Variants in SASH1 observed in about 807,000 individuals in gnomAD.
The protein encoded by SASH1 is SAM and SH3 domain-containing protein 1.
In SASH1, 44 loss-of-function variants were observed where a neutral mutation model predicts 125.2. The ratio of observed to expected loss-of-function variants is 0.35; its 90% CI spans 0.28 to 0.45. The LOEUF (loss-of-function observed/expected upper bound fraction) is 0.45. SASH1 is among the 20% of genes least tolerant of loss of function. SASH1 has a pLI of 1.00. For synonymous variants in SASH1, 639 were observed against 649.1 expected (o/e 0.98, Z 0.24); for missense variants, 1,426 against 1,614.5 (o/e 0.88, Z 2.00).
intron 2 of SASH1, among the ~76,000 whole-genome samples, chr6:148,431,153 A>T (rs1306678778): frequency 6.6e-6 from 1 of 152,166 alleles, no homozygotes; most frequent in African/African-American, 2.4e-5. Context: ...GAAAAGCAGT[A>T]GCTTTGGGCA....
chr6:148,296,221 G>A (rs1457859306), intron 1 of SASH1, among the ~76,000 whole-genome samples: 2 of 152,140 alleles, frequency 1.3e-5, no homozygotes, highest in Non-Finnish European at 2.9e-5. Context: ...CGTCTCCCAG[G>A]TTCAAGCAAT....
chr6:148,308,559 C>T (rs1469127383), intron 1 of SASH1, among the ~76,000 whole-genome samples: 8 of 151,390 alleles, frequency 5.3e-5, no homozygotes, highest in African/African-American at 1.9e-4. Context: ...CCATGCCTGG[C>T]TAATTTTTGT....
At chr6:148,508,681 C>T (rs2115302219) in intron 8 of SASH1, 1 of 1,176,034 alleles carries the variant, frequency 8.5e-7, no homozygotes, top group Non-Finnish European at 1.1e-6. Flanking sequence ...CTTTCTCCTT[C>T]GGATACTGAG....
chr6:148,537,601 T>C (rs1781926099), intron 16 of SASH1, among the ~76,000 whole-genome samples: 1 of 152,218 alleles, frequency 6.6e-6, no homozygotes, highest in Non-Finnish European at 1.5e-5. Context: ...TGCCATATTT[T>C]CTTATTTCTT....
chr6:148,506,760 C>T (rs56068483), intron 8 of SASH1, among the ~76,000 whole-genome samples: 4 of 152,024 alleles, frequency 2.6e-5, no homozygotes, highest in Non-Finnish European at 1.5e-5. Context: ...TATCCTGTAA[C>T]GAAGGAATTT....
chr6:148,349,536 T>C (rs745809987), intron 1 of SASH1, among the ~76,000 whole-genome samples: 46 of 152,134 alleles, frequency 3.0e-4, no homozygotes, highest in Non-Finnish European at 5.7e-4. Flanking sequence ...AGTGCTGGGA[T>C]TACAGGCGTG....
At chr6:148,285,629 C>T (rs1270713382) in intron 1 of SASH1, among the ~76,000 whole-genome samples, 1 of 152,028 alleles carries the variant, frequency 6.6e-6, no homozygotes, top group East Asian at 1.9e-4. Context: ...TTGATCAGAT[C>T]TTTAAGAAGG....
intron 7 of SASH1, among the ~76,000 whole-genome samples, chr6:148,485,730 T>C (rs1277419986): frequency 6.6e-6 from 1 of 152,224 alleles, no homozygotes; most frequent in East Asian, 1.9e-4. Flanking sequence ...CAGGTTGAAA[T>C]CACAGTTGTG....
intron 1 of SASH1, among the ~76,000 whole-genome samples, chr6:148,298,827 GAAAGGAAGGAAGGAAA>G (rs1410284599): frequency 2.9e-5 from 4 of 137,814 alleles, no homozygotes; most frequent in South Asian, 2.5e-4. Context: ...AGGGAGGGAA[GAAAGGAAGGAAGGAAA>G]AAAGGAAGGA....
chr6:148,488,290 G>T (rs1480417252), intron 8 of SASH1, among the ~76,000 whole-genome samples: 1 of 152,016 alleles, frequency 6.6e-6, no homozygotes, highest in Non-Finnish European at 1.5e-5. Context: ...ATTCTTTCAG[G>T]GTTCATCCAC....
intron 16 of SASH1, among the ~76,000 whole-genome samples, chr6:148,538,611 G>A (rs1389218800): frequency 3.3e-5 from 5 of 152,102 alleles, no homozygotes; most frequent in East Asian, 1.9e-4. Context: ...AGGGACTTAC[G>A]CTGCCACGAT....
chr6:148,370,714 T>A (rs897749221), intron 1 of SASH1, among the ~76,000 whole-genome samples: 42 of 151,804 alleles, frequency 2.8e-4, no homozygotes, highest in African/African-American at 9.7e-4. Flanking sequence ...TCCCAGCTAC[T>A]CGGGAGGCTG....
intron 9 of SASH1, among the ~76,000 whole-genome samples, chr6:148,515,298 T>G (rs1384418867): frequency 1.3e-5 from 2 of 152,248 alleles, no homozygotes; most frequent in African/African-American, 4.8e-5. Context: ...ATGTCATATC[T>G]ACATTGTGAG....
At chr6:148,365,973 C>G (rs775598474) in intron 1 of SASH1, among the ~76,000 whole-genome samples, 1 of 152,052 alleles carries the variant, frequency 6.6e-6, no homozygotes, top group African/African-American at 2.4e-5. Flanking sequence ...ATTAGCCAGG[C>G]GTGGTGGCGT....
rs1781651709 is a variant in SASH1 at position 148,533,578 on chromosome 6, G to A, written c.1735-193G>A. ...GCCTGCGTGGAATTCCGTACAGTCA[G>A]AGACACCTGTCTGGCCTCTGCGGAG... is the stretch of plus-strand genomic sequence containing the variant. On this transcript the variant is annotated intron_variant, in intron 14 of 19. Transcript: ENST00000367467. The surrounding 1 kb of genome is among the most constrained non-coding windows in gnomAD (Gnocchi z 6.2). Among the ~76,000 whole-genome samples the A allele has an allele frequency of 6.6e-6, 1 of 152,136 alleles. No individual in the cohort carries two copies. The highest frequency in any genetic ancestry group is 6.5e-5 in the Admixed American group (1 of 15,282).
chr6:148,488,568 CCG>C (rs1255562545), intron 8 of SASH1, among the ~76,000 whole-genome samples: 2 of 152,224 alleles, frequency 1.3e-5, no homozygotes, highest in Non-Finnish European at 2.9e-5. Context: ...TTTTGAGGAA[CCG>C]CCATATGTTT....
the SASH1 span, among the ~76,000 whole-genome samples, chr6:148,204,231 G>T: frequency 6.6e-6 from 1 of 152,130 alleles, no homozygotes; most frequent in Non-Finnish European, 1.5e-5. Flanking sequence ...AACCCTTGAG[G>T]TTTAAGAAGG....
the SASH1 span, among the ~76,000 whole-genome samples, chr6:148,260,068 A>T: frequency 4.6e-5 from 7 of 152,236 alleles, no homozygotes; most frequent in East Asian, 1.9e-4. Context: ...GGCTTTTTAA[A>T]TGATTCTTAC....
chr6:148,446,103 T>TTTTTTCTTTTTTTTC (rs1776762832), intron 4 of SASH1, among the ~76,000 whole-genome samples: 1 of 20,688 alleles, frequency 4.8e-5, no homozygotes, highest in Non-Finnish European at 9.8e-5. Flanking sequence ...TTTTTTTTTT[T>TTTTTTCTTTTTTTTC]TTTTTTTTTT....
Sources: gnomAD v4.1 joint callset for allele counts (sites outside exome capture counted in the v4.1 genomes callset) on GRCh38, gnomAD v4.1.1 for gene constraint, Gnocchi (gnomAD v3.1) non-coding constraint, MANE v1.5 for transcripts, NCBI Gene and HGNC (gene_info 2026-07-23, HGNC 2026-07-21) for gene names.